The following STK11 variants were observed in gnomAD, a reference collection of about 807,000 sequenced individuals.
STK11 encodes the protein serine/threonine kinase 11.
Under a neutral mutation model 47.3 loss-of-function variants are expected in STK11, and 8 were observed. The ratio of observed to expected loss-of-function variants is 0.17; its 90% CI spans 0.10 to 0.31. The LOEUF is 0.31. STK11 is among the 10% of genes least tolerant of loss of function. STK11 has a pLI of 1.00. For missense variants in STK11, 475 were observed against 605.0 expected, an observed-to-expected ratio of 0.79 and a Z score of 2.25; for synonymous variants, 330 against 255.8, an observed-to-expected ratio of 1.29 and a Z score of -2.77.
chr19:1,212,786 C>T (rs149892700), intron 1 of STK11, among the ~76,000 whole-genome samples: 160 of 151,390 alleles, frequency 1.1e-3, no homozygotes, highest in African/African-American at 3.7e-3. Flanking sequence ...CCTTGTGATC[C>T]GCCCGCCTCG....
intron 1 of STK11, among the ~76,000 whole-genome samples, chr19:1,211,242 T>C: frequency 6.6e-6 from 1 of 152,258 alleles, no homozygotes. Flanking sequence ...ATCATTGCAT[T>C]CCAGGCTGGG....
intron 8 of STK11, chr19:1,224,800 C>T: frequency 1.0e-6 from 1 of 985,588 alleles, no homozygotes; most frequent in Non-Finnish European, 1.2e-6. Flanking sequence ...CGCCAGACCA[C>T]TCGGCATGGC....
Position 1,210,789 on chromosome 19 carries a change from G to A in STK11, c.290+3586G>A, listed in dbSNP as rs888401709. Among the ~76,000 whole-genome samples, 8 of 152,062 alleles carry A rather than the reference G, an allele frequency of 5.3e-5. No individual in the cohort carries two copies. In the South Asian group the frequency reaches 8.3e-4, roughly 16 times the overall value. ...AGGCAGGAGAATCACTTGAACCCGGGAAGCAGAGGTTGCGGTGAGCCAAGA... is the reference window on the plus strand; with the variant it reads ...AGGCAGGAGAATCACTTGAACCCGGAAAGCAGAGGTTGCGGTGAGCCAAGA... On this transcript the variant is annotated intron_variant, in intron 1 of 9. Coordinates refer to ENST00000326873, the MANE Select transcript of STK11 (RefSeq NM_000455.5).
intron 1 of STK11, among the ~76,000 whole-genome samples, chr19:1,214,236 C>G (rs2080730531): frequency 6.6e-6 from 1 of 152,240 alleles, no homozygotes; most frequent in African/African-American, 2.4e-5. Context: ...GTGCACCCAT[C>G]ATCCCGGAGG....
At chr19:1,209,971 T>C (rs924382994) in intron 1 of STK11, among the ~76,000 whole-genome samples, 11 of 152,148 alleles carry the variant, frequency 7.2e-5, no homozygotes, top group Admixed American at 2.0e-4. Context: ...CCCTCACTAG[T>C]GTTCAGCGTC....
At chr19:1,218,728 A>G (rs902603585) in intron 2 of STK11, among the ~76,000 whole-genome samples, 1 of 152,120 alleles carries the variant, frequency 6.6e-6, no homozygotes, top group Admixed American at 6.5e-5. Context: ...GTGGGGTGTC[A>G]AGTCCCTTTT....
At position 1,207,808 on chromosome 19, in the gene STK11, G is replaced by T. The variant is rs569515679; in HGVS notation, c.290+605G>T. 3.9e-5 allele frequency among the ~76,000 whole-genome samples: 6 copies of T among 152,334 alleles called. No individual in the cohort carries two copies. In the South Asian group the frequency reaches 1.0e-3, roughly 26 times the overall value. The stretch of plus-strand genomic sequence containing the variant: ...GCCCCCGGGGCTGGAAGCCCTGCCC[G>T]AGGGGGACTGTGCCTCCCTCCCGAA... On this transcript the variant is annotated intron_variant, in intron 1 of 9. Coordinates refer to ENST00000326873, the MANE Select transcript of STK11 (RefSeq NM_000455.5).
intron 8 of STK11, chr19:1,224,188 T>C (rs1301336216): frequency 1.0e-6 from 1 of 981,414 alleles, no homozygotes; most frequent in African/African-American, 1.8e-5. Flanking sequence ...TGTATGGGGG[T>C]CCCCGGGGGG....
At chr19:1,218,210 C>T (rs765330992) in intron 1 of STK11, among the ~76,000 whole-genome samples, 1 of 152,144 alleles carries the variant, frequency 6.6e-6, no homozygotes, top group Non-Finnish European at 1.5e-5. Flanking sequence ...GACTAGAGGG[C>T]GCTGTGCTCC....
chr19:1,211,982 CTGTT>C (rs1464895671), intron 1 of STK11, among the ~76,000 whole-genome samples: 2 of 152,226 alleles, frequency 1.3e-5, no homozygotes, highest in Non-Finnish European at 2.9e-5. Context: ...CTCGAGGCCT[CTGTT>C]TGTGCCCCTC....
intron 5 of STK11, among the ~76,000 whole-genome samples, 199 bp from the exon 6 acceptor site, chr19:1,221,014 G>C (rs1325167626): frequency 2.0e-5 from 3 of 152,248 alleles, no homozygotes; most frequent in Middle Eastern, 3.4e-3. Context: ...CCCCTTCCCC[G>C]GGTGGGTCCA....
chr19:1,207,150 C>A lies in STK11; in HGVS notation c.237C>A (p.Ile79=), dbSNP rs751859508. The A allele has an allele frequency of 1.9e-6, 3 of 1,612,748 alleles. No individual in the cohort carries two copies. The highest frequency in any genetic ancestry group is 2.7e-5 in the African/African-American group (2 of 74,904). ...CGCTGTGCAGGAGGGCCGTCAAGAT[C>A]CTCAAGAAGAAGAAGTTGCGAAGGA... is the stretch of plus-strand genomic sequence containing the variant. ...SETLCRRAVK[I]LKKKKLRRIP... is the part of the protein sequence containing the mutation. Residue 79 remains isoleucine (I), a synonymous_variant, in exon 1 of 10, where the codon ATC becomes ATA. Coordinates refer to ENST00000326873, the MANE Select transcript of STK11 (RefSeq NM_000455.5).
Position 1,226,600 on chromosome 19 carries a change from T to C in STK11, c.1255T>C (p.Ser419Pro), listed in dbSNP as rs969257745. The C allele has an allele frequency of 4.5e-6, 7 of 1,563,610 alleles. No homozygotes were observed. The highest frequency in any genetic ancestry group is 6.1e-6 in the Non-Finnish European group (7 of 1,156,266). Residue 419 changes from serine (S) to proline (P), a missense_variant, in exon 9 of 10, where the codon TCC becomes CCC. By Grantham distance (74) the Ser-to-Pro change is moderately conservative. Transcript: ENST00000326873. ...CCCCAACCCTGCCCGCAAGGCCTGC[T>C]CCGCCAGCAGCAAGATCCGCCGGCT... is the stretch of plus-strand genomic sequence containing the variant. ...RAPNPARKACSASSKIRRLSA... is the reference protein window; with the variant it reads ...RAPNPARKACPASSKIRRLSA...
In STK11 at chr19:1,205,797, C is replaced by A; in HGVS notation, c.-1117C>A. On this transcript the variant is annotated 5_prime_UTR_variant, in exon 1 of 10. Transcript: ENST00000326873. Reference sequence around the variant, plus strand: ...GGGAGGGAGGTAAACAAGATGGCGGCGGCGTGTCGGGCGCGGAAGGGGGAG... The same window carrying A: ...GGGAGGGAGGTAAACAAGATGGCGGAGGCGTGTCGGGCGCGGAAGGGGGAG... 1 of 202,186 alleles carries A rather than the reference C, an allele frequency of 4.9e-6. No individual in the cohort carries two copies. Among genetic ancestry groups the A allele is most frequent in the East Asian group, 7.4e-5 (1 of 13,522 alleles). 12.5% of individuals were successfully genotyped at this position (202,186 alleles called of 1,614,324 possible).
rs773607392 is a variant in STK11 at position 1,226,491 on chromosome 19, G to A, written c.1146G>A (p.Gln382=). 2 of 1,611,232 alleles carry A rather than the reference G, an allele frequency of 1.2e-6. No individual in the cohort carries two copies. Among genetic ancestry groups the A allele is most frequent in the Non-Finnish European group, 8.5e-7 (1 of 1,179,358 alleles). The change falls in exon 9 of 10, where the codon CAG becomes CAA. Residue 382 remains glutamine, a synonymous_variant. Coordinates refer to ENST00000326873, the MANE Select transcript of STK11 (RefSeq NM_000455.5). ...VPEEEASHNG[Q]RRGLPKAVCM... Reference sequence around the variant, plus strand: ...AAGAGGAGGCCAGTCACAATGGACAGCGCCGGGGCCTCCCCAAGGCCGTGT... The same window carrying A: ...AAGAGGAGGCCAGTCACAATGGACAACGCCGGGGCCTCCCCAAGGCCGTGT...
intron 9 of STK11, chr19:1,227,101 C>T (rs556631235): frequency 1.1e-5 from 2 of 180,068 alleles, no homozygotes; most frequent in African/African-American, 2.4e-5. Flanking sequence ...GTGCCGCAGG[C>T]TCTGAGCCAG....
At position 1,206,842 on chromosome 19, in the gene STK11, C is replaced by G. The variant is rs2145404060; in HGVS notation, c.-72C>G. ...TTGTAAAATTTTGGAGAAGGGAAGT[C>G]GGAACACAAGGAAGGACCGCTCACC... On this transcript the variant is annotated 5_prime_UTR_variant, in exon 1 of 10. Transcript: ENST00000326873. The G allele has an allele frequency of 2.1e-6, 3 of 1,444,354 alleles. No homozygotes were observed. The highest frequency in any genetic ancestry group is 1.4e-5 in the South Asian group (1 of 70,364). The allele number at this position is 1,444,354 out of a possible 1,614,324, so 89.5% of individuals were successfully genotyped here.
rs762297795 is a variant in STK11 at position 1,218,509 on chromosome 19, T to A, written c.374+9T>A. The A allele has an allele frequency of 1.2e-5, 20 of 1,612,682 alleles. No individual in the cohort carries two copies. Among genetic ancestry groups the A allele is most frequent in the Non-Finnish European group, 1.6e-5 (19 of 1,179,418 alleles). On this transcript the variant is annotated intron_variant, in intron 2 of 9. Coordinates refer to ENST00000326873, the MANE Select transcript of STK11 (RefSeq NM_000455.5). ...GAAGAGAAGCAGAAAATATATCCTT[T>A]CCGGTGTTGGGACCGCGGGGCCTCC...
chr19:1,215,185 A>AGCGTCC (rs2080737172), intron 1 of STK11, among the ~76,000 whole-genome samples: 1 of 151,704 alleles, frequency 6.6e-6, no homozygotes. Context: ...GCCCAGCCTC[A>AGCGTCC]CCCTCAGCGT....
Sources: gnomAD v4.1 joint callset for allele counts (sites outside exome capture counted in the v4.1 genomes callset) on GRCh38, gnomAD v4.1.1 for gene constraint, MANE v1.5 for transcripts, NCBI Gene and HGNC (gene_info 2026-07-23, HGNC 2026-07-21) for gene names.